The following TIE1 variants were observed in gnomAD, a reference collection of about 807,000 sequenced individuals.
TIE1 encodes the protein tyrosine kinase with immunoglobulin like and EGF like domains 1, also known as tyrosine-protein kinase receptor Tie-1.
In TIE1, 89 loss-of-function variants were observed where a neutral mutation model predicts 130.5. That is an observed-to-expected ratio of 0.68 (90% CI 0.57 to 0.81). The LOEUF (loss-of-function observed/expected upper bound fraction) is 0.81, where lower values mean the gene tolerates loss of function less well. TIE1 is among the 40% of genes least tolerant of loss of function. The pLI is 0.00. For synonymous variants in TIE1, 568 were observed against 629.4 expected (o/e 0.90, Z 1.46); for missense variants, 1,392 against 1,559.8 (o/e 0.89, Z 1.81).
Position 43,305,063 on chromosome 1 carries a change from C to T in TIE1, c.271C>T (p.Arg91Cys), listed in dbSNP as rs767336788. Residue 91 changes from arginine (R) to cysteine (C), a missense_variant, in exon 2 of 23, where the codon CGC becomes TGC. This residue lies in a region of TIE1 where 415 missense variants were observed against 424.8 expected (regional missense o/e 0.98). Coordinates refer to ENST00000372476, the MANE Select transcript of TIE1 (RefSeq NM_005424.5). ...CAACGGTTCGCACCAGGTCACGCTT[C>T]GCGGCTTCTCCAAGCCCTCGGACCT... Reference protein sequence around the residue: ...ARNGSHQVTLRGFSKPSDLVG... With the variant: ...ARNGSHQVTLCGFSKPSDLVG... 3.7e-6 allele frequency: 6 copies of T among 1,609,154 alleles called. No individual in the cohort carries two copies. Among genetic ancestry groups the T allele is most frequent in the Non-Finnish European group, 5.1e-6 (6 of 1,177,332 alleles).
At position 43,312,025 on chromosome 1, in the gene TIE1, C is replaced by T. The variant is rs1383328715; in HGVS notation, c.1524C>T (p.Asn508=). The change falls in exon 11 of 23, where the codon AAC becomes AAT. Residue 508 remains asparagine (N), a synonymous_variant. Coordinates refer to ENST00000372476, the MANE Select transcript of TIE1 (RefSeq NM_005424.5). The surrounding 1 kb of genome is among the most constrained non-coding windows in gnomAD (Gnocchi z 5.6). ...VDPSENVTLM[N]LRPKTGYSVR... ...CCAGTGAGAACGTGACGTTAATGAA[C>T]CTGAGGCCAAAGACAGGATACAGTG... 1 of 1,604,038 alleles carries T rather than the reference C, an allele frequency of 6.2e-7. No individual in the cohort carries two copies. Among genetic ancestry groups the T allele is most frequent in the South Asian group, 1.1e-5 (1 of 90,082 alleles).
At chr1:43,320,322 G>A (rs967602330) in intron 19 of TIE1, 1 of 152,296 alleles carries the variant, frequency 6.6e-6, no homozygotes, top group Non-Finnish European at 1.5e-5. Flanking sequence ...TCTGTAAAAT[G>A]GCAAGACTAA....
Position 43,307,065 on chromosome 1 carries a change from T to C in TIE1, c.640+70T>C, listed in dbSNP as rs745438152. 1.4e-5 allele frequency: 22 copies of C among 1,612,560 alleles called. No homozygotes were observed. Among genetic ancestry groups the C allele is most frequent in the Admixed American group, 5.0e-5 (3 of 59,982 alleles). ...GAGCCCTATGGGTACTTCCTGTGGG[T>C]CCCCTGGAGCCCCTGGATCTCCAGT... is the stretch of plus-strand genomic sequence containing the variant. On this transcript the variant is annotated intron_variant, in intron 4 of 22. Coordinates refer to ENST00000372476, the MANE Select transcript of TIE1 (RefSeq NM_005424.5). This position sits in a 1 kb window ranked among gnomAD's most constrained non-coding sequence, Gnocchi z 5.4.
Position 43,316,878 on chromosome 1 carries a change from G to C in TIE1, c.2410-321G>C, listed in dbSNP as rs1040625662. Among the ~76,000 whole-genome samples the C allele has an allele frequency of 6.6e-6, 1 of 152,158 alleles. No homozygotes were observed. The highest frequency in any genetic ancestry group is 6.5e-5 in the Admixed American group (1 of 15,274). On this transcript the variant is annotated intron_variant, in intron 14 of 22. Coordinates refer to ENST00000372476, the MANE Select transcript of TIE1 (RefSeq NM_005424.5). The surrounding 1 kb of genome is among the most constrained non-coding windows in gnomAD (Gnocchi z 4.4). ...TCCTCCTTCCATTGACTCACATTGT[G>C]GCTTCTAGCAACTTTACCCACAAGC...
intron 21 of TIE1, 42 bp from the exon 22 acceptor site, chr1:43,321,574 C>A: frequency 6.4e-7 from 1 of 1,554,534 alleles, no homozygotes; most frequent in Non-Finnish European, 8.7e-7. Context: ...CCCCATCACC[C>A]CAGCTGGCCT....
chr1:43,313,626 ACACC>A lies in TIE1; in HGVS notation c.2219-150_2219-147del. On this transcript the variant is annotated intron_variant, in intron 13 of 22. Coordinates refer to ENST00000372476, the MANE Select transcript of TIE1 (RefSeq NM_005424.5). The surrounding 1 kb of genome is among the most constrained non-coding windows in gnomAD (Gnocchi z 6.2). ...CTGGGAAAATCATGTCGCCCCTCTG[ACACC>A]CCTCATCCCTTCCTTCATGTGGCCC... is the stretch of plus-strand genomic sequence containing the variant. 1 of 1,058,598 alleles carries A rather than the reference ACACC, an allele frequency of 9.4e-7. No individual in the cohort carries two copies. The highest frequency in any genetic ancestry group is 1.3e-6 in the Non-Finnish European group (1 of 749,474). The allele number at this position is 1,058,598 out of a possible 1,614,324, so 65.6% of individuals were successfully genotyped here.
intron 3 of TIE1, among the ~76,000 whole-genome samples, chr1:43,305,598 A>G (rs1646721212): frequency 6.6e-6 from 1 of 152,182 alleles, no homozygotes; most frequent in Non-Finnish European, 1.5e-5. Context: ...CCAAATGAGC[A>G]CGATGTTAAA....
chr1:43,304,157 AC>A (rs1366607267), intron 1 of TIE1, among the ~76,000 whole-genome samples: 1 of 151,734 alleles, frequency 6.6e-6, no homozygotes, highest in Non-Finnish European at 1.5e-5. Flanking sequence ...CTGATCTCAA[AC>A]TCCTGTGCTC....
chr1:43,304,384 C>A (rs530479158), intron 1 of TIE1, among the ~76,000 whole-genome samples: 1 of 152,368 alleles, frequency 6.6e-6, no homozygotes, highest in South Asian at 2.1e-4. Context: ...TCCTGGCCTG[C>A]ACTCTCGTGG....
intron 19 of TIE1, chr1:43,321,004 G>C (rs1447831007): frequency 1.9e-6 from 1 of 524,812 alleles, no homozygotes; most frequent in South Asian, 2.3e-5. Context: ...CTGCACTCCA[G>C]CCTGGGTGAC....
intron 1 of TIE1, among the ~76,000 whole-genome samples, chr1:43,304,167 T>C (rs1646698721): frequency 6.6e-6 from 1 of 152,196 alleles, no homozygotes; most frequent in South Asian, 2.1e-4. Flanking sequence ...ACTCCTGTGC[T>C]CAAAGGATCC....
Position 43,321,719 on chromosome 1 carries a change from A to G in TIE1, c.3345+4A>G. ...CCGCATGCTGGAAGCCAGGAAGGTG[A>G]GGAGACTGGGGCTGAGGTGGCGGGC... On this transcript the variant is annotated splice_donor_region_variant and intron_variant, in intron 22 of 22. Transcript: ENST00000372476. 1 of 1,551,956 alleles carries G rather than the reference A, an allele frequency of 6.4e-7. No homozygotes were observed. The highest frequency in any genetic ancestry group is 8.7e-7 in the Non-Finnish European group (1 of 1,147,134).
Position 43,307,927 on chromosome 1 carries a change from A to G in TIE1, c.1042+3A>G. 1 of 1,614,108 alleles carries G rather than the reference A, an allele frequency of 6.2e-7. No homozygotes were observed. Among genetic ancestry groups the G allele is most frequent in the Non-Finnish European group, 8.5e-7 (1 of 1,179,970 alleles). Reference sequence around the variant, plus strand: ...TGGAGTGCACTGTGAGAAGTCAGGTATAAGCACTATGACCTCTGAGAGCCC... The same window carrying G: ...TGGAGTGCACTGTGAGAAGTCAGGTGTAAGCACTATGACCTCTGAGAGCCC... On this transcript the variant is annotated splice_donor_region_variant and intron_variant, in intron 7 of 22. Transcript: ENST00000372476. The surrounding 1 kb of genome is among the most constrained non-coding windows in gnomAD (Gnocchi z 5.4).
intron 1 of TIE1, among the ~76,000 whole-genome samples, chr1:43,303,434 G>C (rs191831377): frequency 6.6e-6 from 1 of 152,344 alleles, no homozygotes; most frequent in Admixed American, 6.5e-5. Context: ...GAAAATGGGG[G>C]TTGGTATGTG....
chr1:43,313,153 A>G lies in TIE1; in HGVS notation c.1946A>G (p.His649Arg), dbSNP rs1570442997. The change falls in exon 13 of 23, where the codon CAC (histidine) becomes CGC (arginine). Residue 649 changes from histidine (H) to arginine (R), a missense_variant. This residue lies in a region of TIE1 where 551 missense variants were observed against 565.5 expected (regional missense o/e 0.97). Transcript: ENST00000372476. The surrounding 1 kb of genome is among the most constrained non-coding windows in gnomAD (Gnocchi z 6.2). ...LPPSGPPAPR[H>R]LHAQALSDSE... ...TCCCCAGGGCCTCCAGCCCCCCGAC[A>G]CCTCCACGCCCAGGCCCTCTCAGAC... 2 of 1,607,146 alleles carry G rather than the reference A, an allele frequency of 1.2e-6. No homozygotes were observed. The highest frequency in any genetic ancestry group is 1.1e-5 in the South Asian group (1 of 90,086).
In TIE1 at chr1:43,307,630, C is replaced by T. The variant is rs1646744109; in HGVS notation, c.913+58C>T. On this transcript the variant is annotated intron_variant, in intron 6 of 22. Coordinates refer to ENST00000372476, the MANE Select transcript of TIE1 (RefSeq NM_005424.5). The surrounding 1 kb of genome is among the most constrained non-coding windows in gnomAD (Gnocchi z 5.4). The stretch of plus-strand genomic sequence containing the variant: ...AAGACAGCTGGCCAGGAGCTTGACC[C>T]GGACCCTCCACTCTGCCTCTGACTT... The T allele has an allele frequency of 9.3e-6, 15 of 1,611,210 alleles. No homozygotes were observed. Among genetic ancestry groups the T allele is most frequent in the Non-Finnish European group, 1.2e-5 (14 of 1,178,094 alleles).
chr1:43,301,858 G>C (rs1385114862), intron 1 of TIE1, among the ~76,000 whole-genome samples: 4 of 152,192 alleles, frequency 2.6e-5, no homozygotes, highest in Non-Finnish European at 5.9e-5. Flanking sequence ...GACAGAGCAA[G>C]ACTCATCTAA....
rs1646873689 is a variant in TIE1 at position 43,317,764 on chromosome 1, T to C, written c.2731+90T>C. On this transcript the variant is annotated intron_variant, in intron 16 of 22. Coordinates refer to ENST00000372476, the MANE Select transcript of TIE1 (RefSeq NM_005424.5). This position sits in a 1 kb window ranked among gnomAD's most constrained non-coding sequence, Gnocchi z 5.1. ...ACATGAGTAGCTTGCCAGGGGCTGC[T>C]GGTGACCTGTGCACCACCCTTGATC... is the stretch of plus-strand genomic sequence containing the variant. The C allele has an allele frequency of 6.8e-7, 1 of 1,469,656 alleles. No homozygotes were observed. Among genetic ancestry groups the C allele is most frequent in the Non-Finnish European group, 9.4e-7 (1 of 1,068,402 alleles). The allele number at this position is 1,469,656 out of a possible 1,614,324, so 91.0% of individuals were successfully genotyped here. A position where few individuals can be genotyped will look rare whatever the true frequency, so the allele number is the denominator to read the frequency against.
At position 43,307,282 on chromosome 1, in the gene TIE1, G is replaced by T; in HGVS notation, c.772+9G>T. 1 of 1,614,052 alleles carries T rather than the reference G, an allele frequency of 6.2e-7. No homozygotes were observed. Among genetic ancestry groups the T allele is most frequent in the Non-Finnish European group, 8.5e-7 (1 of 1,180,000 alleles). Reference sequence around the variant, plus strand: ...CACCCGCTGTGAACAGGGTAAGGAGGAGGGGAGCTAGGACCCAGGCAGGAG... The same window carrying T: ...CACCCGCTGTGAACAGGGTAAGGAGTAGGGGAGCTAGGACCCAGGCAGGAG... On this transcript the variant is annotated intron_variant, in intron 5 of 22. Coordinates refer to ENST00000372476, the MANE Select transcript of TIE1 (RefSeq NM_005424.5). This position sits in a 1 kb window ranked among gnomAD's most constrained non-coding sequence, Gnocchi z 5.4.
Sources: gnomAD v4.1 joint callset for allele counts (sites outside exome capture counted in the v4.1 genomes callset) on GRCh38, gnomAD v4.1.1 for gene constraint, gnomAD v4.1.1 regional missense constraint, Gnocchi (gnomAD v3.1) non-coding constraint, MANE v1.5 for transcripts, NCBI Gene and HGNC (gene_info 2026-07-23, HGNC 2026-07-21) for gene names.